Variants in FAM193A observed in about 807,000 individuals in gnomAD.
The protein encoded by FAM193A is family with sequence similarity 193 member A, also known as protein FAM193A.
FAM193A carries 22 observed loss-of-function variants against 126.5 expected under a neutral mutation model. The observed-to-expected ratio is 0.17, with a 90% CI of 0.12 to 0.25. The LOEUF (loss-of-function observed/expected upper bound fraction) is 0.25, where lower values mean the gene tolerates loss of function less well. FAM193A is among the 10% of genes least tolerant of loss of function. The pLI is 1.00. For synonymous variants in FAM193A, 761 were observed against 646.8 expected, an observed-to-expected ratio of 1.18 and a Z score of -2.68; for missense variants, 1,675 against 1,672.8, an observed-to-expected ratio of 1.00 and a Z score of -0.02.
chr4:2,630,001 G>A (rs1044018134), intron 4 of FAM193A, among the ~76,000 whole-genome samples: 7 of 151,928 alleles, frequency 4.6e-5, no homozygotes, highest in Middle Eastern at 3.4e-3. Flanking sequence ...GCGTGGTGGC[G>A]GGCACCTGTA....
intron 1 of FAM193A, among the ~76,000 whole-genome samples, chr4:2,575,159 C>T (rs192132125): frequency 1.7e-3 from 253 of 152,114 alleles, no homozygotes; most frequent in South Asian, 4.6e-3. Flanking sequence ...AAGGTGGCCG[C>T]GACACTTGCC....
chr4:2,586,861 T>C (rs1260255472), intron 1 of FAM193A, among the ~76,000 whole-genome samples: 1 of 151,982 alleles, frequency 6.6e-6, no homozygotes, highest in Non-Finnish European at 1.5e-5. Flanking sequence ...CCTCTGTTGC[T>C]CAGGCGGTCT....
intron 1 of FAM193A, among the ~76,000 whole-genome samples, chr4:2,555,358 A>C (rs1433280215): frequency 6.6e-6 from 1 of 152,214 alleles, no homozygotes; most frequent in Non-Finnish European, 1.5e-5. Context: ...TCACACCTGT[A>C]ATCCCAATAA....
Position 2,661,654 on chromosome 4 carries a change from C to T in FAM193A, c.1746-1184C>T, listed in dbSNP as rs1238650193. Among the ~76,000 whole-genome samples, 3 of 152,070 alleles carry T rather than the reference C, an allele frequency of 2.0e-5. No individual in the cohort carries two copies. In the South Asian group the frequency reaches 6.2e-4, roughly 31 times the overall value. On this transcript the variant is annotated intron_variant, in intron 10 of 20. Coordinates refer to ENST00000637812, the MANE Select transcript of FAM193A (RefSeq NM_001366318.2). The stretch of plus-strand genomic sequence containing the variant: ...TACTTGTAATGTGTTGAAAAGACAC[C>T]GGAATTTGGTAGTCCTGGACACTCT...
At chr4:2,708,515 T>C (rs1333943732) in intron 19 of FAM193A, among the ~76,000 whole-genome samples, 1 of 151,976 alleles carries the variant, frequency 6.6e-6, no homozygotes, top group Admixed American at 6.6e-5. Flanking sequence ...CAGGCTGGAG[T>C]GCAGTGGCGC....
intron 1 of FAM193A, among the ~76,000 whole-genome samples, chr4:2,543,105 T>G (rs1311432105): frequency 6.6e-6 from 1 of 151,600 alleles, no homozygotes; most frequent in Non-Finnish European, 1.5e-5. Context: ...TTTTTTTTTT[T>G]TAAATGGAGT....
intron 20 of FAM193A, among the ~76,000 whole-genome samples, chr4:2,726,778 C>CAAA (rs71589604): frequency 3.8e-4 from 17 of 44,916 alleles, no homozygotes; most frequent in African/African-American, 7.7e-4. Flanking sequence ...CTAAAAATAC[C>CAAA]AAAAAAAAAA....
chr4:2,706,711 A>G (rs901605516), intron 19 of FAM193A, among the ~76,000 whole-genome samples: 1 of 149,190 alleles, frequency 6.7e-6, no homozygotes, highest in Non-Finnish European at 1.5e-5. Flanking sequence ...GAGGCTCTAC[A>G]TGTTGTAATA....
At chr4:2,587,754 C>G (rs1254392362) in intron 1 of FAM193A, among the ~76,000 whole-genome samples, 1 of 152,044 alleles carries the variant, frequency 6.6e-6, no homozygotes, top group Non-Finnish European at 1.5e-5. Flanking sequence ...GTGGACAACT[C>G]TGAAGGAATT....
chr4:2,585,493 T>TGG (rs1292089203), intron 1 of FAM193A, among the ~76,000 whole-genome samples: 1 of 152,260 alleles, frequency 6.6e-6, no homozygotes, highest in Non-Finnish European at 1.5e-5. Flanking sequence ...ATGGACCATT[T>TGG]GGGTCATCTG....
At chr4:2,571,513 G>A (rs958637360) in intron 1 of FAM193A, among the ~76,000 whole-genome samples, 1 of 152,054 alleles carries the variant, frequency 6.6e-6, no homozygotes, top group African/African-American at 2.4e-5. Context: ...AGGGTTTTGA[G>A]AGGTATGTGT....
chr4:2,664,935 T>A (rs138890796), intron 12 of FAM193A, among the ~76,000 whole-genome samples: 153 of 152,286 alleles, frequency 1.0e-3, no homozygotes, highest in African/African-American at 3.6e-3. Flanking sequence ...AGGATCTACT[T>A]GTCAACTACA....
intron 1 of FAM193A, among the ~76,000 whole-genome samples, chr4:2,558,027 C>T (rs1738370238): frequency 6.6e-6 from 1 of 151,948 alleles, no homozygotes; most frequent in Admixed American, 6.6e-5. Context: ...AATCCCAGCA[C>T]TTTGGGAGGC....
At chr4:2,542,506 T>G (rs1487631355) in intron 1 of FAM193A, among the ~76,000 whole-genome samples, 1 of 152,234 alleles carries the variant, frequency 6.6e-6, no homozygotes, top group Non-Finnish European at 1.5e-5. Context: ...TTTTAATAAT[T>G]GTTCATTAAA....
chr4:2,537,523 C>T (rs1214274543), intron 1 of FAM193A, among the ~76,000 whole-genome samples: 1 of 152,250 alleles, frequency 6.6e-6, no homozygotes, highest in African/African-American at 2.4e-5. Flanking sequence ...CACGGCGCTT[C>T]GCCTTCCGCT....
intron 1 of FAM193A, among the ~76,000 whole-genome samples, chr4:2,554,626 T>TG (rs1738149872): frequency 6.6e-6 from 1 of 152,212 alleles, no homozygotes; most frequent in Non-Finnish European, 1.5e-5. Flanking sequence ...TCTGTATTCT[T>TG]GCTGAGTTTT....
At chr4:2,554,076 C>T (rs1447093377) in intron 1 of FAM193A, among the ~76,000 whole-genome samples, 2 of 151,908 alleles carry the variant, frequency 1.3e-5, no homozygotes, top group African/African-American at 4.8e-5. Context: ...ATTCTGTTAT[C>T]TCTCCCTTTT....
intron 1 of FAM193A, among the ~76,000 whole-genome samples, chr4:2,548,085 T>C (rs1737680811): frequency 6.6e-6 from 1 of 151,432 alleles, no homozygotes; most frequent in Non-Finnish European, 1.5e-5. Context: ...TTTTTTTTTT[T>C]TTTTGAGACA....
At chr4:2,640,307 C>T (rs142692786) in intron 6 of FAM193A, among the ~76,000 whole-genome samples, 39 of 152,276 alleles carry the variant, frequency 2.6e-4, no homozygotes, top group African/African-American at 9.1e-4. Context: ...TGCTCTGTCT[C>T]CTGGTGTAGC....
Sources: allele counts gnomAD v4.1 joint callset (sites outside exome capture counted in the v4.1 genomes callset), GRCh38; gene constraint gnomAD v4.1.1; transcripts MANE v1.5; gene names NCBI Gene and HGNC (gene_info 2026-07-23, HGNC 2026-07-21).